Variants in SNRNP70 observed in about 807,000 individuals in gnomAD.
SNRNP70 encodes U1 small nuclear ribonucleoprotein 70 kDa.
In SNRNP70, 8 loss-of-function variants were observed where a neutral mutation model predicts 50.5. The observed-to-expected ratio is 0.16, with a 90% CI of 0.09 to 0.29. SNRNP70 has a LOEUF of 0.29. Ranked by LOEUF, SNRNP70 falls within the 10% of genes least tolerant of loss-of-function variation. The pLI is 1.00. For missense variants in SNRNP70, 529 were observed against 663.5 expected (o/e 0.80, Z 2.23); for synonymous variants, 320 against 252.9 (o/e 1.27, Z -2.52).
chr19:49,086,035 T>TAATTTGCC (rs1432993679), intron 1 of SNRNP70, among the ~76,000 whole-genome samples: 1 of 152,158 alleles, frequency 6.6e-6, no homozygotes, highest in African/African-American at 2.4e-5. Context: ...CTGCATCTCG[T>TAATTTGCC]AATTTGCCCT....
chr19:49,093,695 A>AC (rs886321751), intron 4 of SNRNP70, among the ~76,000 whole-genome samples: 27 of 146,914 alleles, frequency 1.8e-4, no homozygotes, highest in Admixed American at 7.5e-4. Context: ...AAAAAAAACA[A>AC]AAAAAAAAAC....
At chr19:49,090,406 C>G in intron 3 of SNRNP70, 53 bp downstream of exon 3, 1 of 1,612,470 alleles carries the variant, frequency 6.2e-7, no homozygotes, top group Non-Finnish European at 8.5e-7. Context: ...TCCAGATGAT[C>G]CTTGACACTA....
At chr19:49,090,206 G>A (rs959588313) in intron 2 of SNRNP70, 85 bp from the exon 3 acceptor site, 3 of 1,205,630 alleles carry the variant, frequency 2.5e-6, no homozygotes, top group Non-Finnish European at 3.7e-6. Flanking sequence ...GGGGTGGGAG[G>A]GTTAACCTGT....
Position 49,108,135 on chromosome 19 carries a change from G to C in SNRNP70, c.1006G>C (p.Gly336Arg). Reference protein sequence around the residue: ...PPDDGPPGELGPDGPDGPEEK... With the variant: ...PPDDGPPGELRPDGPDGPEEK... ...TGATGATGGGCCTCCAGGGGAGCTCGGGCCTGACGGCCCTGACGGTCCAGA... is the reference window on the plus strand; with the variant it reads ...TGATGATGGGCCTCCAGGGGAGCTCCGGCCTGACGGCCCTGACGGTCCAGA... Residue 336 changes from glycine to arginine, a missense_variant, in exon 10 of 10, where the codon GGG (glycine) becomes CGG (arginine). Transcript: ENST00000598441. 6.5e-7 allele frequency: 1 copy of C among 1,544,602 alleles called. No individual in the cohort carries two copies. The highest frequency in any genetic ancestry group is 2.4e-5 in the East Asian group (1 of 42,090).
intron 4 of SNRNP70, among the ~76,000 whole-genome samples, chr19:49,098,169 C>A (rs2040536540): frequency 1.3e-5 from 2 of 152,318 alleles, no homozygotes; most frequent in Non-Finnish European, 2.9e-5. Context: ...CACATCCTGT[C>A]AGCTTGAAGT....
intron 2 of SNRNP70, 116 bp downstream of exon 2, chr19:49,086,677 C>T (rs1451327994): frequency 5.4e-6 from 5 of 917,766 alleles, no homozygotes; most frequent in Non-Finnish European, 8.7e-6. Flanking sequence ...GGGGCTTAAC[C>T]TTTGTGATCC....
At chr19:49,093,435 G>A (rs1308287552) in intron 4 of SNRNP70, among the ~76,000 whole-genome samples, 3 of 151,536 alleles carry the variant, frequency 2.0e-5, no homozygotes, top group Non-Finnish European at 1.5e-5. Flanking sequence ...GCTCACGCCT[G>A]TAATCCTTCA....
At chr19:49,093,361 CA>C (rs1406575602) in intron 4 of SNRNP70, among the ~76,000 whole-genome samples, 1 of 150,872 alleles carries the variant, frequency 6.6e-6, no homozygotes, top group Non-Finnish European at 1.5e-5. Context: ...GCTGGGATTA[CA>C]GGGCGTAGCC....
At chr19:49,100,898 C>T (rs796640569) in intron 6 of SNRNP70, among the ~76,000 whole-genome samples, 7 of 152,112 alleles carry the variant, frequency 4.6e-5, no homozygotes, top group African/African-American at 1.4e-4. Flanking sequence ...CCTGACTCCA[C>T]GTAGACCACC....
At position 49,108,109 on chromosome 19, in the gene SNRNP70, C is replaced by T; in HGVS notation, c.980C>T (p.Pro327Leu). The change falls in exon 10 of 10, where the codon CCT (proline) becomes CTT (leucine). Residue 327 changes from proline to leucine, a missense_variant. Pro to Leu is a moderately conservative substitution (Grantham distance 98, BLOSUM62 -3). This residue lies in a region of SNRNP70 where 327 missense variants were observed against 308.8 expected (regional missense o/e 1.06). Coordinates refer to ENST00000598441, the MANE Select transcript of SNRNP70 (RefSeq NM_003089.6). ...CCCTCCGAGGCGGGTGACGCGCCCC[C>T]TGATGATGGGCCTCCAGGGGAGCTC... is the stretch of plus-strand genomic sequence containing the variant. ...AEPSEAGDAP[P>L]DDGPPGELGP... 6.5e-7 allele frequency: 1 copy of T among 1,550,054 alleles called. No homozygotes were observed. The highest frequency in any genetic ancestry group is 8.7e-7 in the Non-Finnish European group (1 of 1,148,238).
rs2040362986 is a variant in SNRNP70, at chr19:49,085,463, A to T, written c.-184A>T. 2.3e-6 allele frequency: 1 copy of T among 432,150 alleles called. No homozygotes were observed. Among genetic ancestry groups the T allele is most frequent in the Admixed American group, 2.5e-5 (1 of 40,618 alleles). 26.8% of individuals were successfully genotyped at this position (432,150 alleles called of 1,614,324 possible). ...CACCCCCTGCTCCAGTCGCTATCGG[A>T]GGCCGCGCGGGTGGCTGAGCAGCGG... is the stretch of plus-strand genomic sequence containing the variant. On this transcript the variant is annotated 5_prime_UTR_variant, in exon 1 of 10. Transcript: ENST00000598441.
At position 49,107,583 on chromosome 19, in the gene SNRNP70, T is replaced by C. The variant is rs752857290; in HGVS notation, c.578-42T>C. 3 of 1,590,484 alleles carry C rather than the reference T, an allele frequency of 1.9e-6. No individual in the cohort carries two copies. In the East Asian group the frequency reaches 6.7e-5, roughly 36 times the overall value. ...CTCATTTCTGCTCCTCCGGGCCCTG[T>C]CCCTGCCCAGATTCACCCTCTGTCC... On this transcript the variant is annotated intron_variant, in intron 8 of 9. Transcript: ENST00000598441. This position sits in a 1 kb window ranked among gnomAD's most constrained non-coding sequence, Gnocchi z 6.0.
At chr19:49,086,655 T>A in intron 2 of SNRNP70, 94 bp downstream of exon 2, 1 of 1,190,358 alleles carries the variant, frequency 8.4e-7, no homozygotes, top group Non-Finnish European at 1.2e-6. Flanking sequence ...GCCAGCTGCG[T>A]GATTTAAGCG....
At chr19:49,086,864 C>T (rs2040386982) in intron 2 of SNRNP70, among the ~76,000 whole-genome samples, 1 of 142,940 alleles carries the variant, frequency 7.0e-6, no homozygotes, top group African/African-American at 2.6e-5. Context: ...AGCAGGACTT[C>T]GTCTCTCAAA....
rs2040362986 is a variant in SNRNP70 at position 49,085,463 on chromosome 19, A to C, written c.-184A>C. ...CACCCCCTGCTCCAGTCGCTATCGGAGGCCGCGCGGGTGGCTGAGCAGCGG... is the reference window on the plus strand; with the variant it reads ...CACCCCCTGCTCCAGTCGCTATCGGCGGCCGCGCGGGTGGCTGAGCAGCGG... On this transcript the variant is annotated 5_prime_UTR_variant, in exon 1 of 10. Coordinates refer to ENST00000598441, the MANE Select transcript of SNRNP70 (RefSeq NM_003089.6). The C allele has an allele frequency of 2.3e-6, 1 of 432,150 alleles. No individual in the cohort carries two copies. Among genetic ancestry groups the C allele is most frequent in the Non-Finnish European group, 4.7e-6 (1 of 212,796 alleles). 26.8% of individuals were successfully genotyped at this position (432,150 alleles called of 1,614,324 possible).
At chr19:49,101,649 A>AT (rs980381620) in intron 7 of SNRNP70, 178 bp downstream of exon 7, 2 of 601,660 alleles carry the variant, frequency 3.3e-6, no homozygotes, top group African/African-American at 1.9e-5. Context: ...TTTTTAAAAA[A>AT]CAAAAACCAA....
Position 49,108,253 on chromosome 19 carries a change from A to T in SNRNP70, c.1124A>T (p.Asp375Val). The part of the protein sequence containing the change: ...RRDRDRDRDR[D>V]REHKRGERGS... ...GACCGGGATCGTGACCGTGACCGTGACCGCGAGCACAAACGGGGGGAGCGG... is the reference window on the plus strand; with the variant it reads ...GACCGGGATCGTGACCGTGACCGTGTCCGCGAGCACAAACGGGGGGAGCGG... The change falls in exon 10 of 10, where the codon GAC (aspartate) becomes GTC (valine). Residue 375 changes from aspartate to valine, a missense_variant. Transcript: ENST00000598441. 2 of 1,547,428 alleles carry T rather than the reference A, an allele frequency of 1.3e-6. No homozygotes were observed. Among genetic ancestry groups the T allele is most frequent in the East Asian group, 2.4e-5 (1 of 41,198 alleles).
intron 2 of SNRNP70, among the ~76,000 whole-genome samples, chr19:49,089,593 T>C (rs1364722723): frequency 6.6e-6 from 1 of 151,220 alleles, no homozygotes; most frequent in South Asian, 2.1e-4. Flanking sequence ...TCTGTACTTA[T>C]CACAGTCCAG....
chr19:49,089,915 G>A (rs1380345800), intron 2 of SNRNP70, among the ~76,000 whole-genome samples: 3 of 151,790 alleles, frequency 2.0e-5, no homozygotes, highest in Non-Finnish European at 2.9e-5. Context: ...CGCCTGCCTC[G>A]GCCTCCCAAA....
Sources: gnomAD v4.1 joint callset for allele counts (sites outside exome capture counted in the v4.1 genomes callset) on GRCh38, gnomAD v4.1.1 for gene constraint, gnomAD v4.1.1 regional missense constraint, Gnocchi (gnomAD v3.1) non-coding constraint, MANE v1.5 for transcripts, NCBI Gene and HGNC (gene_info 2026-07-23, HGNC 2026-07-21) for gene names.